NRXN3: variants seen among roughly 807,000 people sequenced by gnomAD.
NRXN3 encodes neurexin 3.
Under a neutral mutation model 137.6 loss-of-function variants are expected in NRXN3, and 32 were observed. The observed-to-expected ratio is 0.23, with a 90% CI of 0.18 to 0.31. The LOEUF (loss-of-function observed/expected upper bound fraction) is 0.31, where lower values mean the gene tolerates loss of function less well. Among genes scored for constraint, NRXN3 ranks in the 10% least tolerant of loss-of-function variants. The pLI is 1.00. For missense variants in NRXN3, 1,574 were observed against 2,062.5 expected, an observed-to-expected ratio of 0.76 and a Z score of 4.59; for synonymous variants, 798 against 784.5, an observed-to-expected ratio of 1.02 and a Z score of -0.29.
intron 10 of NRXN3, among the ~76,000 whole-genome samples, chr14:78,940,362 A>G (rs905339231): frequency 3.3e-5 from 5 of 152,172 alleles, no homozygotes; most frequent in Admixed American, 6.5e-5. Context: ...ATGCACACAC[A>G]CACTCCCAAT....
In NRXN3 at chr14:78,171,478, C is replaced by T. The variant is rs948234901; in HGVS notation, c.-704+804C>T. 3.9e-5 allele frequency among the ~76,000 whole-genome samples: 6 copies of T among 152,248 alleles called. No individual in the cohort carries two copies. The South Asian group carries it at 1.2e-3, about 32-fold the overall frequency. On this transcript the variant is annotated intron_variant, in intron 1 of 20. Coordinates refer to ENST00000335750, the MANE Select transcript of NRXN3 (RefSeq NM_001330195.2). The stretch of plus-strand genomic sequence containing the variant: ...CCTGAAAACTTCCACTCTGTGTAAG[C>T]ACTGTGGGTTTTGCAAGCTCTCAGT...
At chr14:78,201,069 T>A (rs539165104) in intron 1 of NRXN3, among the ~76,000 whole-genome samples, 3 of 152,280 alleles carry the variant, frequency 2.0e-5, no homozygotes, top group Admixed American at 6.5e-5. Flanking sequence ...GGAAAGGCCA[T>A]GGTTACATCA....
chr14:79,123,900 C>A (rs2055927150), intron 15 of NRXN3, among the ~76,000 whole-genome samples: 1 of 152,188 alleles, frequency 6.6e-6, no homozygotes, highest in Non-Finnish European at 1.5e-5. Context: ...TCACCCTTAG[C>A]ACCCTCTGCT....
intron 10 of NRXN3, among the ~76,000 whole-genome samples, chr14:78,877,001 C>T (rs1211150398): frequency 6.6e-6 from 1 of 152,162 alleles, no homozygotes; most frequent in Non-Finnish European, 1.5e-5. Flanking sequence ...CCCCAAGATC[C>T]TTTCCCAAGA....
intron 15 of NRXN3, among the ~76,000 whole-genome samples, chr14:79,275,739 G>C (rs1299170568): frequency 6.6e-6 from 1 of 151,334 alleles, no homozygotes; most frequent in Non-Finnish European, 1.5e-5. Flanking sequence ...GATGGGGGGG[G>C]GGACATTTAA....
chr14:78,198,010 G>A (rs890502983), intron 1 of NRXN3, among the ~76,000 whole-genome samples: 2 of 152,220 alleles, frequency 1.3e-5, no homozygotes, highest in African/African-American at 4.8e-5. Context: ...AGATAAATAT[G>A]ATTCCGAAGG....
chr14:78,543,300 T>C (rs1446232350), intron 4 of NRXN3, among the ~76,000 whole-genome samples: 1 of 152,216 alleles, frequency 6.6e-6, no homozygotes, highest in East Asian at 1.9e-4. Flanking sequence ...TGATATTTTA[T>C]GTAAAACTTA....
At chr14:78,851,040 C>T (rs921885539) in intron 10 of NRXN3, among the ~76,000 whole-genome samples, 1 of 152,056 alleles carries the variant, frequency 6.6e-6, no homozygotes, top group Non-Finnish European at 1.5e-5. Context: ...AAACAGATAT[C>T]TTTTGTAAAA....
intron 15 of NRXN3, among the ~76,000 whole-genome samples, chr14:79,251,334 G>A (rs139339674): frequency 6.6e-6 from 1 of 152,164 alleles, no homozygotes; most frequent in Non-Finnish European, 1.5e-5. Context: ...AACAGGGGCC[G>A]AGCTGAATGA....
At chr14:78,578,463 A>G (rs1297728366) in intron 4 of NRXN3, among the ~76,000 whole-genome samples, 1 of 152,202 alleles carries the variant, frequency 6.6e-6, no homozygotes, top group Admixed American at 6.5e-5. Context: ...GTCTATAGGA[A>G]GTATGGATTC....
intron 4 of NRXN3, among the ~76,000 whole-genome samples, chr14:78,597,738 C>A (rs2097169620): frequency 6.6e-6 from 1 of 152,230 alleles, no homozygotes; most frequent in African/African-American, 2.4e-5. Flanking sequence ...TCCTCTTCGT[C>A]ATTTCTCACC....
Position 78,714,843 on chromosome 14 carries a change from G to C in NRXN3, c.1748G>C (p.Gly583Ala). 1 of 1,614,186 alleles carries C rather than the reference G, an allele frequency of 6.2e-7. No homozygotes were observed. Among genetic ancestry groups the C allele is most frequent in the Non-Finnish European group, 8.5e-7 (1 of 1,180,014 alleles). ...ILDLEGDMYL[G>A]GLPENRAGLI... ...GACCTGGAAGGAGACATGTACCTGG[G>C]AGGGCTGCCGGAGAACCGTGCTGGC... is the stretch of plus-strand genomic sequence containing the variant. Residue 583 changes from glycine (G) to alanine (A), a missense_variant, in exon 8 of 21, where the codon GGA (glycine) becomes GCA (alanine). This residue lies in a region of NRXN3 where 718 missense variants were observed against 887.6 expected (regional missense o/e 0.81). Coordinates refer to ENST00000335750, the MANE Select transcript of NRXN3 (RefSeq NM_001330195.2).
At chr14:79,735,270 A>G (rs2098937937) in intron 19 of NRXN3, among the ~76,000 whole-genome samples, 1 of 152,210 alleles carries the variant, frequency 6.6e-6, no homozygotes, top group Non-Finnish European at 1.5e-5. Flanking sequence ...AATCAGGGAA[A>G]AGTAGTAAAG....
At chr14:78,843,404 T>C (rs1001793918) in intron 10 of NRXN3, among the ~76,000 whole-genome samples, 1 of 152,192 alleles carries the variant, frequency 6.6e-6, no homozygotes, top group African/African-American at 2.4e-5. Context: ...TTAATGACTT[T>C]GGCTCCATGT....
intron 4 of NRXN3, among the ~76,000 whole-genome samples, chr14:78,456,829 C>CTTTCTTTCTT (rs2094730050): frequency 1.6e-5 from 2 of 128,214 alleles, no homozygotes; most frequent in African/African-American, 5.2e-5. Flanking sequence ...TTCTTTCTTT[C>CTTTCTTTCTT]TTTCTTTCTT....
At chr14:78,999,206 C>T (rs931984683) in intron 15 of NRXN3, among the ~76,000 whole-genome samples, 15 of 152,064 alleles carry the variant, frequency 9.9e-5, no homozygotes, top group Non-Finnish European at 2.1e-4. Flanking sequence ...GATTTTGCTA[C>T]ATGCCTACGG....
chr14:78,247,295 C>T (rs1200175031), intron 2 of NRXN3, among the ~76,000 whole-genome samples: 2 of 152,082 alleles, frequency 1.3e-5, no homozygotes, highest in East Asian at 3.9e-4. Flanking sequence ...TAGGTAAGAC[C>T]CAGAAGACAC....
chr14:78,248,216 C>T (rs759967314), intron 2 of NRXN3, among the ~76,000 whole-genome samples: 72 of 147,564 alleles, frequency 4.9e-4, no homozygotes, highest in Non-Finnish European at 4.0e-4. Context: ...AGTGAAGTGT[C>T]GTGGTGGGTG....
At chr14:78,900,094 A>G (rs1013239114) in intron 10 of NRXN3, among the ~76,000 whole-genome samples, 2 of 152,062 alleles carry the variant, frequency 1.3e-5, no homozygotes, top group Admixed American at 1.3e-4. Context: ...AGAAACTACA[A>G]TGACTGACAC....
Sources: gnomAD v4.1 joint callset for allele counts (sites outside exome capture counted in the v4.1 genomes callset) on GRCh38, gnomAD v4.1.1 for gene constraint, gnomAD v4.1.1 regional missense constraint, MANE v1.5 for transcripts, NCBI Gene and HGNC (gene_info 2026-07-23, HGNC 2026-07-21) for gene names.